CDH13: variants seen among roughly 807,000 people sequenced by gnomAD.
The protein encoded by CDH13 is cadherin-13.
Under a neutral mutation model 63.8 loss-of-function variants are expected in CDH13, and 24 were observed. That is an observed-to-expected ratio of 0.38 (90% CI 0.27 to 0.53). The LOEUF (loss-of-function observed/expected upper bound fraction) is 0.53, where lower values mean the gene tolerates loss of function less well. Ranked by LOEUF, CDH13 falls within the 20% of genes least tolerant of loss-of-function variation. The pLI, the probability that CDH13 is intolerant of heterozygous loss-of-function variation, is 0.85. For synonymous variants in CDH13, 503 were observed against 355.3 expected, an observed-to-expected ratio of 1.42 and a Z score of -4.67; for missense variants, 1,049 against 903.1, an observed-to-expected ratio of 1.16 and a Z score of -2.07.
At chr16:83,181,237 C>A in intron 4 of CDH13, 1 of 356,950 alleles carries the variant, frequency 2.8e-6, no homozygotes, top group Non-Finnish European at 5.1e-6. Flanking sequence ...TCTTCTCAGT[C>A]CAAGGCAGGT....
At chr16:83,316,637 G>T (rs547128118) in intron 5 of CDH13, among the ~76,000 whole-genome samples, 5 of 152,250 alleles carry the variant, frequency 3.3e-5, no homozygotes, top group Admixed American at 1.3e-4. Flanking sequence ...GGTGAGATGC[G>T]TCACAGGCAG....
intron 1 of CDH13, among the ~76,000 whole-genome samples, chr16:82,632,670 C>A (rs111807630): frequency 1.7e-3 from 257 of 152,234 alleles, no homozygotes; most frequent in African/African-American, 5.9e-3. Flanking sequence ...TACCAGGGAC[C>A]GGTTTCGTGG....
chr16:82,823,427 A>T (rs898456033), intron 1 of CDH13: 3 of 152,240 alleles, frequency 2.0e-5, no homozygotes, highest in African/African-American at 7.2e-5. Flanking sequence ...ATTTAAAAAA[A>T]AAGTTGTTTC....
At chr16:83,736,494 T>G (rs1486863695) in intron 10 of CDH13, among the ~76,000 whole-genome samples, 1 of 152,228 alleles carries the variant, frequency 6.6e-6, no homozygotes, top group Non-Finnish European at 1.5e-5. Flanking sequence ...GGCAGTCAAT[T>G]TGGTCAAAAG....
intron 1 of CDH13, among the ~76,000 whole-genome samples, chr16:82,643,887 C>T (rs1413131212): frequency 6.7e-6 from 1 of 149,916 alleles, no homozygotes; most frequent in African/African-American, 2.5e-5. Context: ...AGTGGGACTA[C>T]AGGTGTGGAC....
chr16:82,777,991 C>A (rs1184100433), intron 1 of CDH13, among the ~76,000 whole-genome samples: 1 of 152,124 alleles, frequency 6.6e-6, no homozygotes, highest in Admixed American at 6.5e-5. Context: ...TGATAACAGT[C>A]ATAGAAGAGA....
intron 5 of CDH13, among the ~76,000 whole-genome samples, chr16:83,228,172 A>G (rs1272781394): frequency 6.6e-6 from 1 of 152,182 alleles, no homozygotes; most frequent in Non-Finnish European, 1.5e-5. Context: ...TGGATGCTTC[A>G]GTCCCCTAGC....
chr16:83,249,084 T>C (rs758309912), intron 5 of CDH13, among the ~76,000 whole-genome samples: 5 of 152,216 alleles, frequency 3.3e-5, no homozygotes, highest in Non-Finnish European at 7.3e-5. Context: ...AGAGCAGTAC[T>C]ACTAAAACAC....
intron 5 of CDH13, among the ~76,000 whole-genome samples, chr16:83,279,879 C>T (rs937430984): frequency 1.3e-5 from 2 of 151,716 alleles, no homozygotes; most frequent in Admixed American, 6.6e-5. Flanking sequence ...ATAGAAGCTC[C>T]ATTTATACTA....
chr16:82,713,347 C>T (rs2032103281), intron 1 of CDH13, among the ~76,000 whole-genome samples: 1 of 152,110 alleles, frequency 6.6e-6, no homozygotes, highest in South Asian at 2.1e-4. Flanking sequence ...CTAGGATATC[C>T]ATCAAGCCTG....
At chr16:83,241,720 T>G (rs1303262091) in intron 5 of CDH13, among the ~76,000 whole-genome samples, 3 of 152,186 alleles carry the variant, frequency 2.0e-5, no homozygotes, top group African/African-American at 7.2e-5. Context: ...GTTCTTTATA[T>G]TTTTCTGGAT....
At chr16:82,632,539 CTGGCACACCAGTG>C (rs1908137491) in intron 1 of CDH13, among the ~76,000 whole-genome samples, 1 of 152,084 alleles carries the variant, frequency 6.6e-6, no homozygotes, top group Admixed American at 6.5e-5. Context: ...AGTACGAGCC[CTGGCACACCAGTG>C]TGTTGGTACA....
chr16:82,666,421 G>T (rs773974242), intron 1 of CDH13, among the ~76,000 whole-genome samples: 2 of 152,186 alleles, frequency 1.3e-5, no homozygotes, highest in Non-Finnish European at 2.9e-5. Context: ...ATCAATGGAT[G>T]ACCATACACT....
intron 1 of CDH13, among the ~76,000 whole-genome samples, chr16:82,799,374 G>C (rs1165610491): frequency 6.6e-6 from 1 of 152,080 alleles, no homozygotes; most frequent in African/African-American, 2.4e-5. Context: ...ACTTCCTCTT[G>C]CCAAATTAGA....
chr16:83,075,356 A>G (rs561996980), intron 3 of CDH13, among the ~76,000 whole-genome samples: 1 of 152,322 alleles, frequency 6.6e-6, no homozygotes, highest in Admixed American at 6.5e-5. Flanking sequence ...ACCAAGGTTT[A>G]CCACCTGAGC....
chr16:83,720,137 C>T (rs183352708), intron 10 of CDH13, among the ~76,000 whole-genome samples: 1 of 152,226 alleles, frequency 6.6e-6, no homozygotes, highest in African/African-American at 2.4e-5. Context: ...TGCTGGTGGT[C>T]ATCTGAGTGC....
At chr16:83,469,649 G>A (rs144295447) in intron 6 of CDH13, among the ~76,000 whole-genome samples, 31 of 152,282 alleles carry the variant, frequency 2.0e-4, no homozygotes, top group African/African-American at 7.2e-4. Flanking sequence ...CCAGCAAAAT[G>A]TGGCCAGTGG....
rs909318199 is a variant in CDH13, at chr16:82,922,436, G to T, written c.157+63963G>T. Among the ~76,000 whole-genome samples the T allele has an allele frequency of 1.1e-4, 16 of 152,252 alleles. 1 individual carries two copies. In the South Asian group the frequency reaches 1.9e-3, roughly 18 times the overall value. On this transcript the variant is annotated intron_variant, in intron 2 of 13. Coordinates refer to ENST00000567109, the MANE Select transcript of CDH13 (RefSeq NM_001257.5). ...GGAGTAGAACTCAGATTAGTGTATA[G>T]AAGTTTCGAAGAAGCAAACATGAGT...
intron 6 of CDH13, among the ~76,000 whole-genome samples, chr16:83,440,250 G>A (rs1214951663): frequency 6.6e-6 from 1 of 152,214 alleles, no homozygotes; most frequent in African/African-American, 2.4e-5. Flanking sequence ...ACGGAAAGGA[G>A]TTTGGTTATT....
Sources: gnomAD v4.1 joint callset for allele counts (sites outside exome capture counted in the v4.1 genomes callset) on GRCh38, gnomAD v4.1.1 for gene constraint, MANE v1.5 for transcripts, NCBI Gene and HGNC (gene_info 2026-07-23, HGNC 2026-07-21) for gene names.